The following CEBPZ variants were observed in gnomAD, a reference collection of about 807,000 sequenced individuals.
The protein encoded by CEBPZ is CCAAT/enhancer-binding protein zeta.
A neutral mutation model predicts 104.5 loss-of-function variants in CEBPZ; 78 were observed. That is an observed-to-expected ratio of 0.75 (90% CI 0.62 to 0.90). The LOEUF (loss-of-function observed/expected upper bound fraction) is 0.90, where lower values mean the gene tolerates loss of function less well. Among genes scored for constraint, CEBPZ ranks in the 40% least tolerant of loss-of-function variants. The pLI is 0.00. For synonymous variants in CEBPZ, 470 were observed against 427.0 expected, an observed-to-expected ratio of 1.10 and a Z score of -1.24; for missense variants, 1,439 against 1,233.5, an observed-to-expected ratio of 1.17 and a Z score of -2.50.
chr2:37,220,329 ATAT>A (rs145839584), intron 5 of CEBPZ, 53 bp downstream of exon 5: 11,878 of 418,972 alleles, frequency 0.028, 233 homozygotes, highest in East Asian at 0.07. Flanking sequence ...AAAAAAAAAA[ATAT>A]ATATATATAT....
At position 37,202,943 on chromosome 2, in the gene CEBPZ, G is replaced by A. The variant is rs1362086159; in HGVS notation, c.2943+7C>T. 1.9e-6 allele frequency: 3 copies of A among 1,589,710 alleles called. No homozygotes were observed. The highest frequency in any genetic ancestry group is 1.2e-5 in the South Asian group (1 of 86,332). On this transcript the variant is annotated splice_region_variant and intron_variant, in intron 14 of 15. Coordinates refer to ENST00000234170, the MANE Select transcript of CEBPZ (RefSeq NM_005760.3). ...GCTAGCTTGTTAAAACAGTACATTAGCCTTACCTCTTCAGCAGATACAAAT... is the reference window on the plus strand; with the variant it reads ...GCTAGCTTGTTAAAACAGTACATTAACCTTACCTCTTCAGCAGATACAAAT...
chr2:37,204,027 T>A (rs1165882197), intron 13 of CEBPZ: 2 of 152,220 alleles, frequency 1.3e-5, no homozygotes, highest in African/African-American at 4.8e-5. Context: ...CCACTTTTGA[T>A]AAAATAGTTT....
At chr2:37,214,825 T>G in intron 9 of CEBPZ, 61 bp downstream of exon 9, 2 of 1,039,914 alleles carry the variant, frequency 1.9e-6, no homozygotes, top group East Asian at 2.4e-5. Flanking sequence ...AAGCATTTTA[T>G]GAAATCTAAA....
chr2:37,222,374 A>T lies in CEBPZ; in HGVS notation c.2065+6T>A. ...TCCCTAGAGAATAAAGATGAAAAAA[A>T]CTCACCTTTCAAATTATCAAAGTGC... On this transcript the variant is annotated splice_donor_region_variant and intron_variant, in intron 4 of 15. Coordinates refer to ENST00000234170, the MANE Select transcript of CEBPZ (RefSeq NM_005760.3). The T allele has an allele frequency of 1.3e-6, 2 of 1,569,214 alleles. No homozygotes were observed. Among genetic ancestry groups the T allele is most frequent in the Non-Finnish European group, 1.7e-6 (2 of 1,164,506 alleles).
chr2:37,227,842 A>C lies in CEBPZ; in HGVS notation c.1351T>G (p.Ser451Ala). 1 of 1,614,154 alleles carries C rather than the reference A, an allele frequency of 6.2e-7. No individual in the cohort carries two copies. Among genetic ancestry groups the C allele is most frequent in the African/African-American group, 1.3e-5 (1 of 75,062 alleles). The change falls in exon 2 of 16, where the codon TCC becomes GCC. Residue 451 changes from serine (S) to alanine (A), a missense_variant. Ser to Ala is a moderately conservative substitution (Grantham distance 99). Coordinates refer to ENST00000234170, the MANE Select transcript of CEBPZ (RefSeq NM_005760.3). ...AICFLNQMAL[S>A]HEESELANKL... Reference sequence around the variant, plus strand: ...TTAGCCAATTCACTTTCTTCATGGGACAGAGCCATTTGATTTAAAAAGCAA... The same window carrying C: ...TTAGCCAATTCACTTTCTTCATGGGCCAGAGCCATTTGATTTAAAAAGCAA...
Position 37,202,937 on chromosome 2 carries a change from A to G in CEBPZ, c.2943+13T>C. On this transcript the variant is annotated intron_variant, in intron 14 of 15. Transcript: ENST00000234170. ...AGAATAGCTAGCTTGTTAAAACAGT[A>G]CATTAGCCTTACCTCTTCAGCAGAT... 6.3e-7 allele frequency: 1 copy of G among 1,594,510 alleles called. No individual in the cohort carries two copies. The highest frequency in any genetic ancestry group is 8.5e-7 in the Non-Finnish European group (1 of 1,170,096).
intron 13 of CEBPZ, among the ~76,000 whole-genome samples, chr2:37,207,656 T>C (rs574598900): frequency 6.6e-6 from 1 of 152,306 alleles, no homozygotes; most frequent in East Asian, 1.9e-4. Context: ...AAAGCGGCAC[T>C]ACATTTAGTA....
chr2:37,227,269 A>G (rs748648438), intron 2 of CEBPZ, among the ~76,000 whole-genome samples: 3 of 152,238 alleles, frequency 2.0e-5, no homozygotes, highest in Non-Finnish European at 4.4e-5. Flanking sequence ...TAATTCTGAA[A>G]TACTAGGTGG....
chr2:37,218,857 A>G lies in CEBPZ; in HGVS notation c.2154+1528T>C, dbSNP rs1276183563. ...ACTGCATTCCAGTATGGGTGACAGA[A>G]CCTTCTCGTTTCAAAAAAAAGAATT... On this transcript the variant is annotated intron_variant, in intron 5 of 15. Coordinates refer to ENST00000234170, the MANE Select transcript of CEBPZ (RefSeq NM_005760.3). 2.6e-5 allele frequency among the ~76,000 whole-genome samples: 4 copies of G among 152,150 alleles called. 1 individual carries two copies. Among genetic ancestry groups the G allele is most frequent in the Admixed American group, 1.3e-4 (2 of 15,272 alleles).
Position 37,231,494 on chromosome 2 carries a change from G to A in CEBPZ, c.74C>T (p.Pro25Leu). ...AGTATTATCCTCATCCTCCTCGTCC[G>A]GATCTTCTACTGCCTCCTCGGGGCG... ...PWRPEEAVED[P>L]DEEDEDNTSE... Residue 25 changes from proline to leucine, a missense_variant, in exon 1 of 16, where the codon CCG becomes CTG. Pro to Leu is a moderately conservative substitution (Grantham distance 98). Coordinates refer to ENST00000234170, the MANE Select transcript of CEBPZ (RefSeq NM_005760.3). The A allele has an allele frequency of 6.2e-7, 1 of 1,614,188 alleles. No homozygotes were observed. Among genetic ancestry groups the A allele is most frequent in the Non-Finnish European group, 8.5e-7 (1 of 1,180,042 alleles).
Position 37,201,783 on chromosome 2 carries a change from GTTTTTTGAGTGGTTTTAATCCTCTTCTT to G in CEBPZ, c.3118_3145del (p.Lys1040LeufsTer11). ...AATAACTCATTTCCTTTGTTTTTTA[GTTTTTTGAGTGGTTTTAATCCTCTTCTT>G]TTTAAAATGTTTCTTTTTCTTGATG... On this transcript the variant is annotated frameshift_variant, in exon 16 of 16. Coordinates refer to ENST00000234170, the MANE Select transcript of CEBPZ (RefSeq NM_005760.3). LOFTEE classifies it high-confidence loss of function. The G allele has an allele frequency of 6.7e-7, 1 of 1,487,746 alleles. No individual in the cohort carries two copies. Among genetic ancestry groups the G allele is most frequent in the Non-Finnish European group, 9.4e-7 (1 of 1,065,772 alleles). 92.2% of individuals were successfully genotyped at this position (1,487,746 alleles called of 1,614,324 possible). A position where few individuals can be genotyped will look rare whatever the true frequency, so the allele number is the denominator to read the frequency against.
chr2:37,213,530 GCTTC>G, intron 10 of CEBPZ: 1 of 174,822 alleles, frequency 5.7e-6, no homozygotes, highest in Non-Finnish European at 1.2e-5. Flanking sequence ...TCGTGCCTCT[GCTTC>G]TCGAGTAGCT....
At position 37,222,409 on chromosome 2, in the gene CEBPZ, G is replaced by A. The variant is rs1298797515; in HGVS notation, c.2036C>T (p.Ala679Val). The A allele has an allele frequency of 6.3e-7, 1 of 1,594,304 alleles. No individual in the cohort carries two copies. Among genetic ancestry groups the A allele is most frequent in the South Asian group, 1.2e-5 (1 of 86,022 alleles). ...CAAATTATCAAAGTGCACCCAGGAA[G>A]CAACCTCTGGTTTTTTGGTTTCTAC... The part of the protein sequence containing the change: ...TDVETKKPEV[A>V]SWVHFDNLKG... Residue 679 changes from alanine (A) to valine (V), a missense_variant, in exon 4 of 16, where the codon GCT becomes GTT. Ala to Val is a moderately conservative substitution (Grantham distance 64, BLOSUM62 0). Transcript: ENST00000234170.
chr2:37,220,419 C>G lies in CEBPZ; in HGVS notation c.2120G>C (p.Gly707Ala). 1 of 1,600,860 alleles carries G rather than the reference C, an allele frequency of 6.2e-7. No homozygotes were observed. Among genetic ancestry groups the G allele is most frequent in the Non-Finnish European group, 8.5e-7 (1 of 1,172,416 alleles). The stretch of plus-strand genomic sequence containing the variant: ...TTCCCAAAGACTTGTATTTTCAGCT[C>G]CACAGAACAGAGGGTTTCTACTGAA... Reference protein sequence around the residue: ...DPFSRNPLFCGAENTSLWELK... With the variant: ...DPFSRNPLFCAAENTSLWELK... Residue 707 changes from glycine to alanine, a missense_variant, in exon 5 of 16, where the codon GGA (glycine) becomes GCA (alanine). By Grantham distance (60) the Gly-to-Ala change is moderately conservative (BLOSUM62 0). Transcript: ENST00000234170.
rs531073116 is a variant in CEBPZ at position 37,224,953 on chromosome 2, G to GT, written c.1650-1553dup. 4.3e-3 allele frequency among the ~76,000 whole-genome samples: 653 copies of GT among 152,200 alleles called. 4 individuals carry two copies. Among genetic ancestry groups the GT allele is most frequent in the African/African-American group, 0.015 (612 of 41,538 alleles). The stretch of plus-strand genomic sequence containing the variant: ...TGATGTTAAATAGAGACAGAAAAAT[G>GT]TTTTCTAATAGATTTCAAACACTTT... On this transcript the variant is annotated intron_variant, in intron 2 of 15. Transcript: ENST00000234170.
At chr2:37,211,771 A>C in intron 12 of CEBPZ, 72 bp downstream of exon 12, 1 of 1,151,678 alleles carries the variant, frequency 8.7e-7, no homozygotes, top group South Asian at 1.6e-5. Context: ...AAAAACCTTT[A>C]GCAGAAAAAC....
At chr2:37,224,910 C>T (rs762242703) in intron 2 of CEBPZ, among the ~76,000 whole-genome samples, 15 of 152,134 alleles carry the variant, frequency 9.9e-5, no homozygotes, top group Non-Finnish European at 1.6e-4. Context: ...TCCACCCTTC[C>T]TCAGAGATGT....
At chr2:37,210,969 T>C in intron 13 of CEBPZ, 30 bp downstream of exon 13, 1 of 1,523,230 alleles carries the variant, frequency 6.6e-7, no homozygotes, top group African/African-American at 1.4e-5. Flanking sequence ...TGGACACTGC[T>C]TTTAAAAGAT....
chr2:37,214,932 C>T lies in CEBPZ; in HGVS notation c.2401G>A (p.Ala801Thr), dbSNP rs369467054. The T allele has an allele frequency of 2.1e-5, 33 of 1,608,170 alleles. No homozygotes were observed. The highest frequency in any genetic ancestry group is 2.8e-5 in the Non-Finnish European group (33 of 1,175,138). Residue 801 changes from alanine to threonine, a missense_variant, in exon 9 of 16, where the codon GCA becomes ACA. Transcript: ENST00000234170. ...ACTGGTATTTGGCTTTCTTCTTTTG[C>T]AAGGAACTCCTTACTGTTCACTACA... The part of the protein sequence containing the change: ...HLPVNSKEFL[A>T]KEESQIPVDE...
Sources: allele counts gnomAD v4.1 joint callset (sites outside exome capture counted in the v4.1 genomes callset), GRCh38; gene constraint gnomAD v4.1.1; transcripts MANE v1.5; gene names NCBI Gene and HGNC (gene_info 2026-07-23, HGNC 2026-07-21).